The following CENPV variants were observed in gnomAD, a reference collection of about 807,000 sequenced individuals.
CENPV encodes the protein nuclear protein p30.
CENPV carries 15 observed loss-of-function variants against 26.4 expected under a neutral mutation model. The ratio of observed to expected loss-of-function variants is 0.57; its 90% CI spans 0.38 to 0.88. The LOEUF is 0.88. Ranked by LOEUF, CENPV falls within the 40% of genes least tolerant of loss-of-function variation. The pLI, the probability that CENPV is intolerant of heterozygous loss-of-function variation, is 0.00. For synonymous variants in CENPV, 172 were observed against 165.5 expected (o/e 1.04, Z -0.30); for missense variants, 336 against 376.5 (o/e 0.89, Z 0.89).
intron 4 of CENPV, 40 bp from the exon 5 acceptor site, chr17:16,342,981 T>TG: frequency 1.2e-6 from 2 of 1,613,324 alleles, no homozygotes; most frequent in Non-Finnish European, 1.7e-6. Context: ...ATCCTCAGTA[T>TG]GGGTGAGACC....
At chr17:16,350,115 T>TCTTTC in intron 1 of CENPV, 86 bp from the exon 2 acceptor site, 2 of 1,514,830 alleles carry the variant, frequency 1.3e-6, no homozygotes, top group Non-Finnish European at 1.8e-6. Context: ...AGACAGAAGA[T>TCTTTC]TAGACAAAAG....
intron 1 of CENPV, chr17:16,351,268 C>A (rs1461762175): frequency 6.6e-6 from 1 of 152,118 alleles, no homozygotes; most frequent in Non-Finnish European, 1.5e-5. Context: ...TATATATAAG[C>A]CAAACTCAGA....
intron 3 of CENPV, 105 bp downstream of exon 3, chr17:16,348,511 C>T (rs1353920302): frequency 7.6e-6 from 12 of 1,572,900 alleles, no homozygotes; most frequent in Non-Finnish European, 1.0e-5. Flanking sequence ...TGCTATGCTC[C>T]AGGCCCCTCC....
intron 3 of CENPV, among the ~76,000 whole-genome samples, chr17:16,346,277 G>A (rs1395383937): frequency 1.3e-5 from 2 of 152,098 alleles, no homozygotes; most frequent in Non-Finnish European, 2.9e-5. Context: ...AATGACATAG[G>A]TATATAGATA....
rs777997033 is a variant in CENPV at position 16,342,910 on chromosome 17, A to G, written c.726T>C (p.Thr242=). 5.0e-6 allele frequency: 8 copies of G among 1,614,228 alleles called. No homozygotes were observed. Among genetic ancestry groups the G allele is most frequent in the Admixed American group, 1.7e-5 (1 of 60,024 alleles). Residue 242 remains threonine, a synonymous_variant, in exon 5 of 5, where the codon ACT becomes ACC. Coordinates refer to ENST00000299736, the MANE Select transcript of CENPV (RefSeq NM_181716.3). ...GIAPHCLDEG[T]VRSMVTEEFN... is the part of the protein sequence containing the mutation. ...ATTCCTCAGTGACCATACTCCGCAC[A>G]GTGCCCTCATCCAGGCAGTGGGGGG... is the stretch of plus-strand genomic sequence containing the variant.
At chr17:16,349,499 C>T (rs1285351766) in intron 2 of CENPV, 21 of 987,192 alleles carry the variant, frequency 2.1e-5, no homozygotes, top group South Asian at 4.7e-5. Flanking sequence ...AAGAGCAGAG[C>T]GAGAGTGGAG....
At chr17:16,348,404 A>G in intron 3 of CENPV, 1 of 1,222,134 alleles carries the variant, frequency 8.2e-7, no homozygotes, top group Non-Finnish European at 1.1e-6. Context: ...TGATCCATCC[A>G]TCTTGGCCTC....
intron 1 of CENPV, 92 bp from the exon 2 acceptor site, chr17:16,350,121 A>G: frequency 1.3e-6 from 2 of 1,482,612 alleles, no homozygotes; most frequent in Non-Finnish European, 1.8e-6. Context: ...AAGATTAGAC[A>G]AAAGTCTTTT....
chr17:16,348,873 G>A, intron 2 of CENPV, 188 bp from the exon 3 acceptor site: 2 of 1,386,980 alleles, frequency 1.4e-6, no homozygotes, highest in Non-Finnish European at 1.9e-6. Flanking sequence ...AGAGCCCAGG[G>A]GGGTCCCAAG....
intron 2 of CENPV, chr17:16,349,491 G>C (rs1404851360): frequency 1.0e-6 from 1 of 986,942 alleles, no homozygotes; most frequent in Non-Finnish European, 1.2e-6. Flanking sequence ...CTCAACCGAA[G>C]AGCAGAGCGA....
chr17:16,342,604 A>G lies in CENPV; in HGVS notation c.*213T>C, dbSNP rs934324126. 1 of 557,836 alleles carries G rather than the reference A, an allele frequency of 1.8e-6. No individual in the cohort carries two copies. Among genetic ancestry groups the G allele is most frequent in the Non-Finnish European group, 3.2e-6 (1 of 313,538 alleles). 34.6% of individuals were successfully genotyped at this position (557,836 alleles called of 1,614,324 possible). ...CAAAAGTTGGGAAGAGAAGGATGTC[A>G]ATTAGACTACATCAAAATCTGGGCA... On this transcript the variant is annotated 3_prime_UTR_variant, in exon 5 of 5. Coordinates refer to ENST00000299736, the MANE Select transcript of CENPV (RefSeq NM_181716.3).
At chr17:16,346,122 A>T (rs1263923155) in intron 3 of CENPV, among the ~76,000 whole-genome samples, 1 of 152,228 alleles carries the variant, frequency 6.6e-6, no homozygotes, top group Non-Finnish European at 1.5e-5. Context: ...AAGTATGTAG[A>T]GAAATATGTG....
chr17:16,349,789 T>G, intron 2 of CENPV, 142 bp downstream of exon 2: 1 of 1,456,738 alleles, frequency 6.9e-7, no homozygotes, highest in Middle Eastern at 2.5e-4. Flanking sequence ...AATGAACCTT[T>G]CTGTCCCCAT....
At chr17:16,347,165 T>C (rs1278844728) in intron 3 of CENPV, among the ~76,000 whole-genome samples, 2 of 152,176 alleles carry the variant, frequency 1.3e-5, no homozygotes, top group Non-Finnish European at 2.9e-5. Context: ...TGTGCTTTTA[T>C]ATGCATATGT....
intron 4 of CENPV, among the ~76,000 whole-genome samples, chr17:16,344,066 T>G (rs1259023125): frequency 6.6e-6 from 1 of 152,106 alleles, no homozygotes; most frequent in East Asian, 1.9e-4. Context: ...CAGGCTGGTC[T>G]CAAACTCCTG....
At chr17:16,348,999 A>C in intron 2 of CENPV, 1 of 1,055,498 alleles carries the variant, frequency 9.5e-7, no homozygotes, top group Non-Finnish European at 1.1e-6. Context: ...ACACTTAGGA[A>C]ACAAATTTCA....
At chr17:16,352,949 C>A (rs1043600876) in intron 1 of CENPV, 78 bp downstream of exon 1, 9 of 1,431,554 alleles carry the variant, frequency 6.3e-6, no homozygotes, top group Admixed American at 2.8e-5. Flanking sequence ...AAGGCCTGCA[C>A]GCGGGCTGCG....
intron 3 of CENPV, 67 bp downstream of exon 3, chr17:16,348,549 G>T: frequency 6.2e-7 from 1 of 1,602,012 alleles, no homozygotes; most frequent in South Asian, 1.1e-5. Flanking sequence ...GCTAACAGTT[G>T]GGTGGGGGGT....
At chr17:16,344,798 T>A in intron 3 of CENPV, 87 bp from the exon 4 acceptor site, 2 of 688,696 alleles carry the variant, frequency 2.9e-6, no homozygotes, top group Non-Finnish European at 4.3e-6. Flanking sequence ...TGAGACAGAG[T>A]CTCCCACTGT....
Sources: allele counts gnomAD v4.1 joint callset (sites outside exome capture counted in the v4.1 genomes callset), GRCh38; gene constraint gnomAD v4.1.1; transcripts MANE v1.5; gene names NCBI Gene and HGNC (gene_info 2026-07-23, HGNC 2026-07-21).